The following PWWP2A variants were observed in gnomAD, a reference collection of about 807,000 sequenced individuals.
PWWP2A encodes PWWP domain-containing protein 2A.
PWWP2A carries 18 observed loss-of-function variants against 48.5 expected under a neutral mutation model. The observed-to-expected ratio is 0.37, with a 90% CI of 0.26 to 0.55. The LOEUF (loss-of-function observed/expected upper bound fraction) is 0.55, where lower values mean the gene tolerates loss of function less well. Among genes scored for constraint, PWWP2A ranks in the 20% least tolerant of loss-of-function variants. The pLI is 0.81. For missense variants in PWWP2A, 867 were observed against 976.4 expected, an observed-to-expected ratio of 0.89 and a Z score of 1.49; for synonymous variants, 396 against 387.7, an observed-to-expected ratio of 1.02 and a Z score of -0.25.
chr5:160,061,099 A>G (rs1489079918), downstream of PWWP2A, among the ~76,000 whole-genome samples: 1 of 152,212 alleles, frequency 6.6e-6, no homozygotes, highest in Non-Finnish European at 1.5e-5. Context: ...CTGGCTCAGG[A>G]CAGCCTGGCA....
chr5:160,061,970 G>C (rs552190997), exon 6 of PWWP2A: 1 of 152,434 alleles, frequency 6.6e-6, no homozygotes, highest in South Asian at 2.1e-4. Context: ...AAGCCATTGG[G>C]GAGCCAGTGC....
At chr5:160,097,775 G>A (rs931426367) in intron 1 of PWWP2A, among the ~76,000 whole-genome samples, 1 of 149,112 alleles carries the variant, frequency 6.7e-6, no homozygotes, top group Non-Finnish European at 1.5e-5. Context: ...GAGTGCAGTG[G>A]CACAATCTCG....
downstream of PWWP2A, among the ~76,000 whole-genome samples, chr5:160,061,561 C>T (rs186274292): frequency 4.6e-5 from 7 of 152,246 alleles, no homozygotes; most frequent in African/African-American, 7.2e-5. Context: ...TCTTCTCTAA[C>T]GCAGAGACTA....
At chr5:160,047,524 T>C in the PWWP2A span, among the ~76,000 whole-genome samples, 18 of 152,214 alleles carry the variant, frequency 1.2e-4, no homozygotes, top group African/African-American at 4.1e-4. Flanking sequence ...CCAGCTGATC[T>C]CACAGCTTTC....
intron 1 of PWWP2A, chr5:160,116,740 TG>T: frequency 1.0e-6 from 1 of 985,236 alleles, no homozygotes; most frequent in Non-Finnish European, 1.2e-6. Context: ...ACACAATCAC[TG>T]GCCATCTCTT....
At chr5:160,115,126 G>A (rs556539177) in intron 1 of PWWP2A, among the ~76,000 whole-genome samples, 5 of 123,182 alleles carry the variant, frequency 4.1e-5, no homozygotes, top group South Asian at 2.6e-4. Context: ...GGTAACAGAG[G>A]GAGACTCTGT....
downstream of PWWP2A, among the ~76,000 whole-genome samples, chr5:160,087,086 G>A (rs1754698084): frequency 6.6e-6 from 1 of 152,090 alleles, no homozygotes; most frequent in Non-Finnish European, 1.5e-5. Flanking sequence ...TCTTAAAAAT[G>A]GAGACACTGG....
downstream of PWWP2A, among the ~76,000 whole-genome samples, chr5:160,060,241 T>G (rs1757661501): frequency 6.6e-6 from 1 of 152,244 alleles, no homozygotes; most frequent in Admixed American, 6.5e-5. Context: ...AAACACAGCA[T>G]TCCTGGTTAT....
intron 1 of PWWP2A, among the ~76,000 whole-genome samples, chr5:160,096,525 A>G (rs1018256991): frequency 3.3e-5 from 5 of 152,260 alleles, no homozygotes; most frequent in Non-Finnish European, 7.3e-5. Context: ...CACTACTTGC[A>G]TTAACAATAA....
intron 1 of PWWP2A, among the ~76,000 whole-genome samples, chr5:160,104,669 A>G (rs1002369291): frequency 6.6e-6 from 1 of 152,000 alleles, no homozygotes; most frequent in African/African-American, 2.4e-5. Flanking sequence ...GCCAGGCGTG[A>G]TGGTGGATGC....
downstream of PWWP2A, chr5:160,089,873 G>A: frequency 1.0e-6 from 1 of 985,202 alleles, no homozygotes; most frequent in Non-Finnish European, 1.2e-6. Flanking sequence ...ATATAAAGTG[G>A]CTACAACTAC....
intron 1 of PWWP2A, among the ~76,000 whole-genome samples, chr5:160,117,343 T>C (rs1039430914): frequency 6.6e-6 from 1 of 151,342 alleles, no homozygotes; most frequent in African/African-American, 2.4e-5. Context: ...AATGCCCTAA[T>C]CCAAAATTAT....
intron 1 of PWWP2A, among the ~76,000 whole-genome samples, chr5:160,095,250 A>G (rs1199936672): frequency 6.6e-6 from 1 of 151,984 alleles, no homozygotes; most frequent in Non-Finnish European, 1.5e-5. Flanking sequence ...TGAAAACTCC[A>G]TTACGGGTCC....
chr5:160,070,206 C>T (rs1289580325), intron 2 of PWWP2A, among the ~76,000 whole-genome samples: 1 of 152,020 alleles, frequency 6.6e-6, no homozygotes, highest in African/African-American at 2.4e-5. Context: ...GTGGCTCACA[C>T]CTGTAATCCC....
intron 1 of PWWP2A, among the ~76,000 whole-genome samples, chr5:160,099,344 T>C (rs973463065): frequency 1.3e-5 from 2 of 152,236 alleles, no homozygotes; most frequent in Non-Finnish European, 2.9e-5. Flanking sequence ...TCCTAACCCT[T>C]ATCCACTTTC....
At chr5:160,105,843 T>G (rs1462443882) in intron 1 of PWWP2A, 4 of 158,654 alleles carry the variant, frequency 2.5e-5, no homozygotes, top group Non-Finnish European at 5.4e-5. Context: ...CTGAAATCCT[T>G]TTCAAATTCA....
rs373146344 is a variant in PWWP2A, at chr5:160,092,601, G to A, written c.2049C>T (p.Asn683=). The change falls in exon 2 of 2, where the codon AAC becomes AAT. Residue 683 remains asparagine (N), a synonymous_variant. Coordinates refer to ENST00000307063, the MANE Select transcript of PWWP2A (RefSeq NM_001130864.2). The part of the protein sequence containing the change: ...ILTITVSRKD[N]GLLVRQEARI... The stretch of plus-strand genomic sequence containing the variant: ...GGGCCTCCTGTCGGACTAAAAGGCC[G>A]TTATCTTTCCGGCTCACAGTTATAG... 286 of 1,551,668 alleles carry A rather than the reference G, an allele frequency of 1.8e-4. 3 individuals are homozygous for A. In the African/African-American group the frequency reaches 2.0e-3, roughly 11 times the overall value.
chr5:160,078,116 T>C lies in PWWP2A; in HGVS notation c.*39A>G, dbSNP rs368410541. 9.8e-6 allele frequency: 15 copies of C among 1,527,836 alleles called. No individual in the cohort carries two copies. Among genetic ancestry groups the C allele is most frequent in the Non-Finnish European group, 1.3e-5 (15 of 1,122,876 alleles). 94.6% of individuals were successfully genotyped at this position (1,527,836 alleles called of 1,614,324 possible). A position where few individuals can be genotyped will look rare whatever the true frequency, so the allele number is the denominator to read the frequency against. ...TCAGTCCTGATGCTCTGGTGTTCTC[T>C]GTGTCATTGTGGTACAGGTCCATGA... On this transcript the variant is annotated 3_prime_UTR_variant, in exon 4 of 4. Transcript: ENST00000456329. The surrounding 1 kb of genome is among the most constrained non-coding windows in gnomAD (Gnocchi z 4.2).
chr5:160,068,983 GCTTA>G (rs1363616700), intron 2 of PWWP2A, among the ~76,000 whole-genome samples: 1 of 152,132 alleles, frequency 6.6e-6, no homozygotes, highest in Non-Finnish European at 1.5e-5. Context: ...AGCTTAGGAG[GCTTA>G]CTTGCTATTT....
Sources: allele counts gnomAD v4.1 joint callset (sites outside exome capture counted in the v4.1 genomes callset), GRCh38; gene constraint gnomAD v4.1.1; non-coding constraint Gnocchi (gnomAD v3.1); transcripts MANE v1.5; gene names NCBI Gene and HGNC (gene_info 2026-07-23, HGNC 2026-07-21).